The following TMEM207 variants were observed in gnomAD, a reference collection of about 807,000 sequenced individuals.
The protein encoded by TMEM207 is transmembrane protein 207.
Under a neutral mutation model 17.4 loss-of-function variants are expected in TMEM207, and 15 were observed. That is an observed-to-expected ratio of 0.86 (90% CI 0.58 to 1.33). The LOEUF is 1.33. TMEM207 is among the 40% of genes most tolerant of loss of function. The probability of loss-of-function intolerance (pLI) is 0.00; values close to 1 mark genes in which losing one functional copy is unlikely to be tolerated. For synonymous variants in TMEM207, 70 were observed against 65.6 expected (o/e 1.07, Z -0.33); for missense variants, 205 against 173.8 (o/e 1.18, Z -1.01).
At chr3:190,432,084 A>C (rs111338562) in intron 4 of TMEM207, among the ~76,000 whole-genome samples, 4 of 152,370 alleles carry the variant, frequency 2.6e-5, no homozygotes, top group African/African-American at 9.6e-5. Flanking sequence ...TAAAAATGCC[A>C]GCAAAAATCC....
At chr3:190,448,212 G>A (rs75455198) in intron 1 of TMEM207, among the ~76,000 whole-genome samples, 4,021 of 150,798 alleles carry the variant, frequency 0.027, 115 homozygotes, top group South Asian at 0.085. Flanking sequence ...TTATTTTCAC[G>A]CAAAAAAAAA....
chr3:190,441,316 C>T, intron 3 of TMEM207, 122 bp downstream of exon 3: 1 of 749,416 alleles, frequency 1.3e-6, no homozygotes, highest in Non-Finnish European at 2.2e-6. Flanking sequence ...TTTCTATATT[C>T]ATTTGCATGA....
At chr3:190,445,904 A>T (rs1720035288) in intron 2 of TMEM207, among the ~76,000 whole-genome samples, 2 of 152,174 alleles carry the variant, frequency 1.3e-5, no homozygotes, top group Non-Finnish European at 2.9e-5. Flanking sequence ...ATAGAAGTTG[A>T]TTAATACATA....
intron 2 of TMEM207, among the ~76,000 whole-genome samples, chr3:190,446,098 A>G (rs549378225): frequency 1.3e-5 from 2 of 152,254 alleles, no homozygotes; most frequent in Admixed American, 1.3e-4. Flanking sequence ...TTTAAAAGAC[A>G]TTTGGAGTAG....
At chr3:190,437,825 A>G (rs1275047684) in intron 4 of TMEM207, among the ~76,000 whole-genome samples, 4 of 151,548 alleles carry the variant, frequency 2.6e-5, no homozygotes, top group African/African-American at 9.7e-5. Flanking sequence ...ACTATTCACA[A>G]TAGCAAAGAC....
In TMEM207 at chr3:190,429,571, T is replaced by G; in HGVS notation, c.*24A>C. Reference sequence around the variant, plus strand: ...GGAATTACAGATGTCGTTAATACTTTAAATTGATAATCCACACCTAAAATC... The same window carrying G: ...GGAATTACAGATGTCGTTAATACTTGAAATTGATAATCCACACCTAAAATC... On this transcript the variant is annotated 3_prime_UTR_variant, in exon 5 of 5. Transcript: ENST00000354905. The G allele has an allele frequency of 6.2e-7, 1 of 1,612,554 alleles. No individual in the cohort carries two copies. The highest frequency in any genetic ancestry group is 8.5e-7 in the Non-Finnish European group (1 of 1,179,184).
chr3:190,439,327 T>C (rs1325932372), intron 4 of TMEM207, among the ~76,000 whole-genome samples: 1 of 152,254 alleles, frequency 6.6e-6, no homozygotes, highest in Non-Finnish European at 1.5e-5. Flanking sequence ...CAAATTTTTG[T>C]TTATTTTTAC....
intron 4 of TMEM207, among the ~76,000 whole-genome samples, chr3:190,437,142 A>T (rs551042837): frequency 5.3e-5 from 8 of 152,236 alleles, no homozygotes; most frequent in Non-Finnish European, 1.0e-4. Context: ...AAGTTAAACC[A>T]GTGGAATTGG....
intron 2 of TMEM207, chr3:190,444,309 G>A (rs1719999118): frequency 7.6e-6 from 4 of 523,422 alleles, no homozygotes; most frequent in Admixed American, 1.3e-4. Context: ...ACTTGCGCAA[G>A]TTAGCATAGC....
chr3:190,443,073 C>G (rs7428997), intron 2 of TMEM207, among the ~76,000 whole-genome samples: 3 of 151,438 alleles, frequency 2.0e-5, no homozygotes, highest in African/African-American at 7.3e-5. Flanking sequence ...AAAATTAAAA[C>G]CTTAAAAATA....
intron 1 of TMEM207, among the ~76,000 whole-genome samples, chr3:190,448,888 A>G (rs1410262289): frequency 6.6e-6 from 1 of 152,172 alleles, no homozygotes; most frequent in Non-Finnish European, 1.5e-5. Flanking sequence ...ATGGTAATGA[A>G]CAATTTATAA....
chr3:190,447,950 T>C, intron 1 of TMEM207, 123 bp from the exon 2 acceptor site: 2 of 815,980 alleles, frequency 2.5e-6, no homozygotes, highest in Non-Finnish European at 3.7e-6. Context: ...TTAAAAGCTC[T>C]ATAGCAGAGT....
At chr3:190,435,353 A>G (rs1327037835) in intron 4 of TMEM207, among the ~76,000 whole-genome samples, 1 of 152,162 alleles carries the variant, frequency 6.6e-6, no homozygotes, top group Non-Finnish European at 1.5e-5. Context: ...TCTTATAAGA[A>G]TGCTGGTCAT....
At chr3:190,444,432 G>GCTCTAACCTCAA in intron 2 of TMEM207, 1 of 985,016 alleles carries the variant, frequency 1.0e-6, no homozygotes, top group Non-Finnish European at 1.2e-6. Context: ...TAACCTCATA[G>GCTCTAACCTCAA]TACCATGTGG....
intron 4 of TMEM207, among the ~76,000 whole-genome samples, chr3:190,435,568 C>A (rs1719787429): frequency 6.6e-6 from 1 of 152,118 alleles, no homozygotes; most frequent in Non-Finnish European, 1.5e-5. Context: ...ATCTTCCTAA[C>A]ATATTGTGGA....
At position 190,449,823 on chromosome 3, in the gene TMEM207, T is replaced by A. The variant is rs372318982; in HGVS notation, c.-14A>T. 57 of 1,612,290 alleles carry A rather than the reference T, an allele frequency of 3.5e-5. No homozygotes were observed. The Admixed American group carries it at 9.5e-4, about 27-fold the overall frequency. On this transcript the variant is annotated 5_prime_UTR_variant, in exon 1 of 5. Transcript: ENST00000354905. ...GGATCTTGACATATTTAAAGGACAG[T>A]CAACTTAGGATAGTGGTTTGGTGCC... is the stretch of plus-strand genomic sequence containing the variant.
At position 190,440,285 on chromosome 3, in the gene TMEM207, G is replaced by C. The variant is rs1021091607; in HGVS notation, c.263C>G (p.Thr88Ser). Residue 88 changes from threonine (T) to serine (S), a missense_variant, in exon 4 of 5, where the codon ACC (threonine) becomes AGC (serine). Coordinates refer to ENST00000354905, the MANE Select transcript of TMEM207 (RefSeq NM_207316.3). ...RRPRIDSHRR[T>S]MAVFAVGDLD... is the part of the protein sequence containing the mutation. ...GTCTCCAACAGCAAAAACTGCCATG[G>C]TGCGCCTGTGAGAATCAATTCGGGG... 3.1e-6 allele frequency: 5 copies of C among 1,614,004 alleles called. No individual in the cohort carries two copies. Among genetic ancestry groups the C allele is most frequent in the Middle Eastern group, 1.7e-4 (1 of 6,060 alleles).
intron 2 of TMEM207, chr3:190,444,573 G>A (rs1720005564): frequency 2.4e-6 from 1 of 425,224 alleles, no homozygotes; most frequent in African/African-American, 2.2e-5. Context: ...AGTGAGATCA[G>A]TTTGTAAACC....
At chr3:190,437,816 C>T (rs1719836298) in intron 4 of TMEM207, among the ~76,000 whole-genome samples, 1 of 151,312 alleles carries the variant, frequency 6.6e-6, no homozygotes, top group South Asian at 2.1e-4. Context: ...TATTGCGGCA[C>T]TATTCACAAT....
Sources: gnomAD v4.1 joint callset for allele counts (sites outside exome capture counted in the v4.1 genomes callset) on GRCh38, gnomAD v4.1.1 for gene constraint, MANE v1.5 for transcripts, NCBI Gene and HGNC (gene_info 2026-07-23, HGNC 2026-07-21) for gene names.